Variants in PTPRD observed in about 807,000 individuals in gnomAD.
The protein encoded by PTPRD is protein tyrosine phosphatase receptor type D, also known as receptor-type tyrosine-protein phosphatase delta.
Under a neutral mutation model 214.5 loss-of-function variants are expected in PTPRD, and 34 were observed. The ratio of observed to expected loss-of-function variants is 0.16; its 90% CI spans 0.12 to 0.21. The LOEUF (loss-of-function observed/expected upper bound fraction) is 0.21. Among genes scored for constraint, PTPRD ranks in the 10% least tolerant of loss-of-function variants. The probability of loss-of-function intolerance (pLI) is 1.00; values close to 1 mark genes in which losing one functional copy is unlikely to be tolerated. For synonymous variants in PTPRD, 1,128 were observed against 845.7 expected, an observed-to-expected ratio of 1.33 and a Z score of -5.79; for missense variants, 2,545 against 2,398.7, an observed-to-expected ratio of 1.06 and a Z score of -1.27.
intron 7 of PTPRD, among the ~76,000 whole-genome samples, chr9:9,622,345 T>C (rs2154353629): frequency 6.6e-6 from 1 of 152,300 alleles, no homozygotes; most frequent in South Asian, 2.1e-4. Context: ...ACTAGACACA[T>C]TATGTGGAAA....
intron 5 of PTPRD, among the ~76,000 whole-genome samples, chr9:9,860,911 A>C (rs1164732839): frequency 6.6e-6 from 1 of 152,242 alleles, no homozygotes; most frequent in Non-Finnish European, 1.5e-5. Context: ...TGAATCTGAA[A>C]ACTGGCAACT....
chr9:9,849,278 G>A (rs1181617208), intron 5 of PTPRD, among the ~76,000 whole-genome samples: 2 of 151,222 alleles, frequency 1.3e-5, no homozygotes, highest in African/African-American at 2.4e-5. Flanking sequence ...GCTTTAGGAA[G>A]GAAACACATG....
intron 11 of PTPRD, among the ~76,000 whole-genome samples, chr9:8,951,353 T>G (rs1480900175): frequency 7.0e-6 from 1 of 142,934 alleles, no homozygotes; most frequent in Non-Finnish European, 1.5e-5. Context: ...CCCGTAAACA[T>G]AGAAATGTGC....
intron 7 of PTPRD, among the ~76,000 whole-genome samples, chr9:9,732,160 G>A (rs949994441): frequency 3.9e-5 from 6 of 152,070 alleles, no homozygotes; most frequent in African/African-American, 1.4e-4. Flanking sequence ...GGTCACAGAA[G>A]CAGAAATAGT....
chr9:8,452,253 G>C (rs1035576938), intron 33 of PTPRD, among the ~76,000 whole-genome samples: 3 of 152,186 alleles, frequency 2.0e-5, no homozygotes, highest in African/African-American at 7.2e-5. Context: ...TTCTTTCGAT[G>C]ATCACAACAT....
chr9:10,419,303 A>G (rs1372016414), intron 2 of PTPRD, among the ~76,000 whole-genome samples: 1 of 151,872 alleles, frequency 6.6e-6, no homozygotes, highest in Non-Finnish European at 1.5e-5. Context: ...ACTGGACTCT[A>G]ATCTTTTGTT....
chr9:8,355,105 T>A (rs1463340929), intron 39 of PTPRD, among the ~76,000 whole-genome samples: 1 of 152,036 alleles, frequency 6.6e-6, no homozygotes, highest in African/African-American at 2.4e-5. Context: ...AGGTGGATCG[T>A]TCATGAAGGC....
intron 35 of PTPRD, among the ~76,000 whole-genome samples, chr9:8,434,170 C>T (rs1380660305): frequency 3.9e-5 from 6 of 152,058 alleles, no homozygotes; most frequent in Admixed American, 6.5e-5. Context: ...TTAGTAGAGA[C>T]GGGGTTTCAC....
rs115490199 is a variant in PTPRD at position 9,319,580 on chromosome 9, G to A, written c.-203+77869C>T. On this transcript the variant is annotated intron_variant, in intron 9 of 45. Transcript: ENST00000381196. ...CCAAAGAGTTAAATTAAAATACATAGGCTCATTTCCCCATATGTCTTCTAC... is the reference window on the plus strand; with the variant it reads ...CCAAAGAGTTAAATTAAAATACATAAGCTCATTTCCCCATATGTCTTCTAC... Among the ~76,000 whole-genome samples the A allele has an allele frequency of 6.5e-3, 994 of 152,140 alleles. 12 individuals carry two copies. Among genetic ancestry groups the A allele is most frequent in the African/African-American group, 0.023 (940 of 41,510 alleles).
chr9:8,349,830 T>G (rs1337682769), intron 39 of PTPRD, among the ~76,000 whole-genome samples: 1 of 152,150 alleles, frequency 6.6e-6, no homozygotes, highest in Non-Finnish European at 1.5e-5. Context: ...AATCAACTTT[T>G]TATTTTCCGG....
intron 11 of PTPRD, among the ~76,000 whole-genome samples, chr9:8,901,453 T>A (rs2098668111): frequency 6.6e-6 from 1 of 152,230 alleles, no homozygotes; most frequent in East Asian, 1.9e-4. Context: ...TTTGCACATG[T>A]GTTTACATCT....
intron 3 of PTPRD, among the ~76,000 whole-genome samples, chr9:10,243,300 G>A (rs549233814): frequency 5.9e-4 from 89 of 151,868 alleles, no homozygotes; most frequent in African/African-American, 9.9e-4. Context: ...AGCTAAAGTG[G>A]CTATTGCTTT....
At chr9:9,410,071 T>C (rs2074881708) in intron 8 of PTPRD, among the ~76,000 whole-genome samples, 2 of 152,264 alleles carry the variant, frequency 1.3e-5, no homozygotes, top group East Asian at 1.9e-4. Context: ...ATGAAAATTA[T>C]AGTAAGGTTC....
At chr9:9,901,625 CTTCT>C (rs1477176905) in intron 5 of PTPRD, among the ~76,000 whole-genome samples, 3 of 151,962 alleles carry the variant, frequency 2.0e-5, no homozygotes, top group Non-Finnish European at 4.4e-5. Context: ...AGAAATCTGA[CTTCT>C]TTCTTTCTCC....
chr9:8,347,931 C>A (rs575213883), intron 39 of PTPRD, among the ~76,000 whole-genome samples: 22 of 152,214 alleles, frequency 1.4e-4, no homozygotes, highest in African/African-American at 5.3e-4. Context: ...GTTGTTTGAG[C>A]CACTCAGTTC....
At chr9:8,372,595 G>A (rs2081892467) in intron 39 of PTPRD, among the ~76,000 whole-genome samples, 2 of 151,966 alleles carry the variant, frequency 1.3e-5, no homozygotes, top group African/African-American at 2.4e-5. Flanking sequence ...TCTATGCTCT[G>A]TATGAACTGA....
At chr9:8,513,800 G>C (rs1313700537) in intron 21 of PTPRD, among the ~76,000 whole-genome samples, 2 of 151,918 alleles carry the variant, frequency 1.3e-5, no homozygotes, top group South Asian at 2.1e-4. Flanking sequence ...ATATCCACTG[G>C]CCTTTTTAAT....
At chr9:10,145,002 CT>C (rs1300314591) in intron 3 of PTPRD, among the ~76,000 whole-genome samples, 1 of 151,902 alleles carries the variant, frequency 6.6e-6, no homozygotes, top group African/African-American at 2.4e-5. Flanking sequence ...AAGTCTCCTC[CT>C]TTATCAGGAA....
intron 11 of PTPRD, among the ~76,000 whole-genome samples, chr9:8,894,742 G>A (rs1474860985): frequency 6.6e-6 from 1 of 152,104 alleles, no homozygotes; most frequent in South Asian, 2.1e-4. Context: ...GGGGTAAAAC[G>A]GCGTATTAAC....
Sources: allele counts gnomAD v4.1 joint callset (sites outside exome capture counted in the v4.1 genomes callset), GRCh38; gene constraint gnomAD v4.1.1; transcripts MANE v1.5; gene names NCBI Gene and HGNC (gene_info 2026-07-23, HGNC 2026-07-21).